Variants in SHISA6 observed in about 807,000 individuals in gnomAD.
The protein encoded by SHISA6 is shisa family member 6, also known as protein shisa-6.
In SHISA6, 22 loss-of-function variants were observed where a neutral mutation model predicts 47.9. That is an observed-to-expected ratio of 0.46 (90% CI 0.33 to 0.66). SHISA6 has a LOEUF of 0.66. SHISA6 is among the 30% of genes least tolerant of loss of function. The probability of loss-of-function intolerance (pLI) is 0.02; values close to 1 mark genes in which losing one functional copy is unlikely to be tolerated. For missense variants in SHISA6, 680 were observed against 764.6 expected, an observed-to-expected ratio of 0.89 and a Z score of 1.30; for synonymous variants, 388 against 337.8, an observed-to-expected ratio of 1.15 and a Z score of -1.63.
At chr17:11,242,925 C>G (rs1396236086) in intron 1 of SHISA6, among the ~76,000 whole-genome samples, 4 of 152,074 alleles carry the variant, frequency 2.6e-5, no homozygotes, top group African/African-American at 9.7e-5. Flanking sequence ...ACCCAGCCTC[C>G]CCTTAGAACT....
At chr17:11,494,500 G>A (rs1430856912) in intron 3 of SHISA6, among the ~76,000 whole-genome samples, 1 of 152,216 alleles carries the variant, frequency 6.6e-6, no homozygotes, top group African/African-American at 2.4e-5. Flanking sequence ...AGTGAACAGG[G>A]AGCCTCAGAA....
chr17:11,419,147 C>T (rs774822887), intron 3 of SHISA6, among the ~76,000 whole-genome samples: 3 of 151,690 alleles, frequency 2.0e-5, no homozygotes, highest in African/African-American at 7.3e-5. Context: ...AGCACACCAA[C>T]GTGGCACATG....
intron 2 of SHISA6, among the ~76,000 whole-genome samples, chr17:11,274,623 G>T (rs983449236): frequency 1.3e-5 from 2 of 152,146 alleles, no homozygotes; most frequent in African/African-American, 4.8e-5. Context: ...AAGGCTATTT[G>T]GGAAACCAAA....
chr17:11,311,779 C>A (rs1276637637), intron 2 of SHISA6, among the ~76,000 whole-genome samples: 1 of 151,340 alleles, frequency 6.6e-6, no homozygotes, highest in Non-Finnish European at 1.5e-5. Context: ...CTTTTCTTTT[C>A]TTTTCTTTTT....
At chr17:11,421,482 G>T (rs941933471) in intron 3 of SHISA6, among the ~76,000 whole-genome samples, 2 of 152,124 alleles carry the variant, frequency 1.3e-5, no homozygotes, top group Non-Finnish European at 2.9e-5. Context: ...TCTAGAGGCT[G>T]GTCCCTGCAG....
At chr17:11,324,093 A>G (rs1445162298) in intron 2 of SHISA6, among the ~76,000 whole-genome samples, 1 of 151,998 alleles carries the variant, frequency 6.6e-6, no homozygotes. Context: ...AAAGGCCCAC[A>G]TTTCTAAGTT....
chr17:11,428,045 A>C (rs1914651665), intron 3 of SHISA6, among the ~76,000 whole-genome samples: 1 of 152,204 alleles, frequency 6.6e-6, no homozygotes, highest in Non-Finnish European at 1.5e-5. Context: ...GACAGCTGAC[A>C]TCTATTAAGC....
chr17:11,296,961 A>G (rs1909773494), intron 2 of SHISA6, among the ~76,000 whole-genome samples: 1 of 152,176 alleles, frequency 6.6e-6, no homozygotes, highest in African/African-American at 2.4e-5. Flanking sequence ...GGCTTGTAAC[A>G]TGGAAGTCAA....
chr17:11,535,068 C>T (rs1050946816), intron 3 of SHISA6, among the ~76,000 whole-genome samples: 5 of 151,958 alleles, frequency 3.3e-5, no homozygotes, highest in African/African-American at 4.8e-5. Flanking sequence ...GCAGAGGTTG[C>T]GGTGAGGGTG....
At chr17:11,427,174 C>CAAGGCTGGACTATG (rs1914631368) in intron 3 of SHISA6, among the ~76,000 whole-genome samples, 1 of 152,168 alleles carries the variant, frequency 6.6e-6, no homozygotes, top group African/African-American at 2.4e-5. Context: ...TGCTCTGTTG[C>CAAGGCTGGACTATG]CCAGGCTGGA....
intron 2 of SHISA6, among the ~76,000 whole-genome samples, chr17:11,335,029 C>T (rs1911270845): frequency 6.6e-6 from 1 of 152,108 alleles, no homozygotes; most frequent in Admixed American, 6.5e-5. Context: ...TATTCAGTGG[C>T]TATTGACAGG....
At position 11,558,018 on chromosome 17, in the gene SHISA6, C is replaced by T. The variant is rs909453746; in HGVS notation, c.1370C>T (p.Pro457Leu). 32 of 1,551,478 alleles carry T rather than the reference C, an allele frequency of 2.1e-5. No individual in the cohort carries two copies. Among genetic ancestry groups the T allele is most frequent in the African/African-American group, 2.7e-5 (2 of 73,066 alleles). ...ACGGAGCGCCTGCACTCCCAGGACCCGCTGCTGTCCCCGGAGCGGACGGCC... is the reference window on the plus strand; with the variant it reads ...ACGGAGCGCCTGCACTCCCAGGACCTGCTGCTGTCCCCGGAGCGGACGGCC... ...LSTERLHSQD[P>L]LLSPERTAFP... Residue 457 changes from proline (P) to leucine (L), a missense_variant, in exon 6 of 6, where the codon CCG (proline) becomes CTG (leucine). Around this residue, in one of 2 missense-constraint regions of SHISA6, gnomAD observed 559 missense variants for 674.1 expected, o/e 0.83. Coordinates refer to ENST00000441885, the MANE Select transcript of SHISA6 (RefSeq NM_207386.4).
chr17:11,432,560 C>A (rs1352583175), intron 3 of SHISA6, among the ~76,000 whole-genome samples: 1 of 151,974 alleles, frequency 6.6e-6, no homozygotes, highest in Non-Finnish European at 1.5e-5. Context: ...ACTGACCCTG[C>A]CTAACTTAAA....
At chr17:11,535,828 A>G (rs948504983) in intron 3 of SHISA6, among the ~76,000 whole-genome samples, 1 of 152,138 alleles carries the variant, frequency 6.6e-6, no homozygotes, top group Admixed American at 6.6e-5. Context: ...ATGGCATGAT[A>G]TTTCCAAATT....
At chr17:11,350,171 T>C in intron 2 of SHISA6, among the ~76,000 whole-genome samples, 1 of 105,564 alleles carries the variant, frequency 9.5e-6, no homozygotes, top group Non-Finnish European at 1.8e-5. Context: ...TATTTATTTA[T>C]TTATTTATTT....
At position 11,548,458 on chromosome 17, in the gene SHISA6, T is replaced by TATATATATAC. The variant is rs1555543966; in HGVS notation, c.896-3437_896-3436insTATATATACA. Reference sequence around the variant, plus strand: ...CATATTTCATATATATATATATATATACATATATCACAAGAAAATAGAATC... The same window carrying TATATATATAC: ...CATATTTCATATATATATATATATATATATATATACACATATATCACAAGAAAATAGAATC... On this transcript the variant is annotated intron_variant, in intron 3 of 5. Transcript: ENST00000441885. Among the ~76,000 whole-genome samples, 65 of 146,820 alleles carry TATATATATAC rather than the reference T, an allele frequency of 4.4e-4. 2 individuals are homozygous for TATATATATAC. In the East Asian group the frequency reaches 9.9e-3, roughly 22 times the overall value.
intron 3 of SHISA6, among the ~76,000 whole-genome samples, chr17:11,438,076 C>G (rs1914990034): frequency 6.6e-6 from 1 of 152,144 alleles, no homozygotes; most frequent in African/African-American, 2.4e-5. Context: ...CTCATACTAC[C>G]CTGCCAACTG....
rs1002370163 is a variant in SHISA6 at position 11,544,858 on chromosome 17, G to A, written c.896-7038G>A. ...CAGCTGTAGTCCCAGCCACTCGGGA[G>A]GCTGAGGCAGGAGAATGGCATGAAC... On this transcript the variant is annotated intron_variant, in intron 3 of 5. Transcript: ENST00000441885. Among the ~76,000 whole-genome samples, 6 of 151,512 alleles carry A rather than the reference G, an allele frequency of 4.0e-5. 1 individual carries two copies. In the South Asian group the frequency reaches 6.3e-4, roughly 16 times the overall value.
chr17:11,475,459 T>C (rs1027438790), intron 3 of SHISA6, among the ~76,000 whole-genome samples: 12 of 152,146 alleles, frequency 7.9e-5, no homozygotes, highest in African/African-American at 2.9e-4. Flanking sequence ...TCCCTTCTAT[T>C]CCTAGTTTAG....
Sources: allele counts gnomAD v4.1 joint callset (sites outside exome capture counted in the v4.1 genomes callset), GRCh38; gene constraint gnomAD v4.1.1; regional missense constraint gnomAD v4.1.1; transcripts MANE v1.5; gene names NCBI Gene and HGNC (gene_info 2026-07-23, HGNC 2026-07-21).